FHAD1: variants seen among roughly 807,000 people sequenced by gnomAD.
FHAD1 encodes the protein forkhead-associated domain-containing protein 1.
FHAD1 carries 146 observed loss-of-function variants against 191.3 expected under a neutral mutation model. The ratio of observed to expected loss-of-function variants is 0.76; its 90% CI spans 0.67 to 0.88. FHAD1 has a LOEUF of 0.88. FHAD1 is among the 40% of genes least tolerant of loss of function. FHAD1 has a pLI of 0.00. For missense variants in FHAD1, 1,635 were observed against 1,785.8 expected, an observed-to-expected ratio of 0.92 and a Z score of 1.52; for synonymous variants, 616 against 672.3, an observed-to-expected ratio of 0.92 and a Z score of 1.29.
chr1:15,268,288 T>G (rs1654462420), intron 2 of FHAD1, among the ~76,000 whole-genome samples: 2 of 151,946 alleles, frequency 1.3e-5, no homozygotes, highest in South Asian at 4.2e-4. Context: ...GAATGATGAT[T>G]TCCAATTTCA....
intron 18 of FHAD1, among the ~76,000 whole-genome samples, chr1:15,347,545 G>A (rs968454209): frequency 6.6e-6 from 1 of 152,178 alleles, no homozygotes. Flanking sequence ...TGCCTCCCGG[G>A]TTCAAACGAT....
intron 3 of FHAD1, among the ~76,000 whole-genome samples, chr1:15,275,005 C>T (rs1229436494): frequency 6.6e-6 from 1 of 152,030 alleles, no homozygotes; most frequent in East Asian, 1.9e-4. Context: ...CTCTGTCGCC[C>T]AGGCTGGAGT....
intron 4 of FHAD1, among the ~76,000 whole-genome samples, chr1:15,290,693 A>G (rs914611795): frequency 2.1e-5 from 3 of 143,948 alleles, no homozygotes; most frequent in African/African-American, 7.5e-5. Context: ...TTTAATATGA[A>G]CTTTTTTTTT....
intron 11 of FHAD1, 48 bp downstream of exon 11, chr1:15,324,607 T>C (rs1446979842): frequency 7.4e-7 from 1 of 1,358,096 alleles, no homozygotes; most frequent in Non-Finnish European, 1.0e-6. Flanking sequence ...TCTCCAATGA[T>C]TGCACCCAAG....
chr1:15,389,447 C>CAAAAAAAAAAAAAAAAAAAAAAA lies in FHAD1; in HGVS notation c.4269+1337_4269+1338insAAAAAAAAAAAAAAAAAAAAAAA, dbSNP rs570569622. 8.5e-3 allele frequency among the ~76,000 whole-genome samples: 460 copies of CAAAAAAAAAAAAAAAAAAAAAAA among 54,150 alleles called. 28 individuals carry two copies. The highest frequency in any genetic ancestry group is 0.013 in the Middle Eastern group (1 of 78). The allele number at this position is 54,150 out of a possible 152,430, so 35.5% of individuals were successfully genotyped here. A position where few individuals can be genotyped will look rare whatever the true frequency, so the allele number is the denominator to read the frequency against. ...TGAGCAACAGAGGAAGAACCTGTCTCAAAAAAAAAAAAAAAAAAAAACCTG... is the reference window on the plus strand; with the variant it reads ...TGAGCAACAGAGGAAGAACCTGTCTCAAAAAAAAAAAAAAAAAAAAAAAAAAAAAAAAAAAAAAAAAAAACCTG... On this transcript the variant is annotated intron_variant, in intron 32 of 33. Transcript: ENST00000688493.
intron 14 of FHAD1, among the ~76,000 whole-genome samples, chr1:15,331,709 A>G (rs28621709): frequency 6.6e-6 from 1 of 150,546 alleles, no homozygotes; most frequent in African/African-American, 2.4e-5. Flanking sequence ...GAAGGCAGGA[A>G]GGAAGGCAGG....
Position 15,367,623 on chromosome 1 carries a change from GT to G in FHAD1, c.3314+3del. 1 of 1,184,086 alleles carries G rather than the reference GT, an allele frequency of 8.4e-7. No homozygotes were observed. The highest frequency in any genetic ancestry group is 1.1e-6 in the Non-Finnish European group (1 of 871,902). The allele number at this position is 1,184,086 out of a possible 1,614,324, so 73.3% of individuals were successfully genotyped here. ...TGAAGGCCCTTGAGGAGGCACTCAG[GT>G]TGGGTGGGCGGGGGCCGGGTTGGGG... On this transcript the variant is annotated splice_donor_variant, in intron 25 of 33. Coordinates refer to ENST00000688493, the MANE Select transcript of FHAD1 (RefSeq NM_001391957.1). LOFTEE classifies it high-confidence loss of function.
At chr1:15,324,350 C>T (rs1161100356) in intron 10 of FHAD1, 102 bp from the exon 11 acceptor site, 1 of 910,186 alleles carries the variant, frequency 1.1e-6, no homozygotes, top group Non-Finnish European at 1.8e-6. Context: ...CTGTGCCTAC[C>T]CCTCTGGGAC....
chr1:15,238,106 G>A (rs1644974564), intron 1 of FHAD1, among the ~76,000 whole-genome samples: 1 of 151,932 alleles, frequency 6.6e-6, no homozygotes, highest in African/African-American at 2.4e-5. Flanking sequence ...AATTAGACAG[G>A]CATGGTGGCG....
At chr1:15,310,994 A>G (rs1243232593) in intron 7 of FHAD1, among the ~76,000 whole-genome samples, 1 of 152,170 alleles carries the variant, frequency 6.6e-6, no homozygotes, top group East Asian at 1.9e-4. Flanking sequence ...AAACAAACAG[A>G]AAAAAATGTC....
At chr1:15,248,326 A>G (rs957757181) in intron 1 of FHAD1, among the ~76,000 whole-genome samples, 1 of 152,126 alleles carries the variant, frequency 6.6e-6, no homozygotes, top group Admixed American at 6.5e-5. Context: ...TAATGATGCT[A>G]GCAGAAGACC....
At chr1:15,301,860 C>T (rs1418141655) in intron 6 of FHAD1, among the ~76,000 whole-genome samples, 6 of 152,132 alleles carry the variant, frequency 3.9e-5, no homozygotes, top group Non-Finnish European at 7.4e-5. Context: ...AACCCTGTCT[C>T]TATTAAAAAT....
upstream of FHAD1, among the ~76,000 whole-genome samples, chr1:15,244,030 A>C (rs1156870653): frequency 1.3e-5 from 2 of 151,016 alleles, no homozygotes; most frequent in East Asian, 3.9e-4. This position sits in a 1 kb window ranked among gnomAD's most constrained non-coding sequence, Gnocchi z 5.1. Flanking sequence ...GCCAAGAAGC[A>C]CAAGTAATCT....
downstream of FHAD1, chr1:15,399,934 T>A (rs182956353): frequency 5.9e-5 from 9 of 152,352 alleles, 1 homozygote; most frequent in African/African-American, 1.9e-4. Flanking sequence ...ATCACCATGA[T>A]TTTCCCGCCT....
At chr1:15,277,871 C>A (rs1261105418) in intron 3 of FHAD1, among the ~76,000 whole-genome samples, 3 of 152,128 alleles carry the variant, frequency 2.0e-5, no homozygotes, top group African/African-American at 7.2e-5. Flanking sequence ...GTTTAATGAG[C>A]ATTTACTATA....
chr1:15,393,922 G>A lies in FHAD1; in HGVS notation c.4323+2659G>A, dbSNP rs147367215. 6.6e-5 allele frequency among the ~76,000 whole-genome samples: 10 copies of A among 152,254 alleles called. No homozygotes were observed. The East Asian group carries it at 1.7e-3, about 26-fold the overall frequency. ...TCCAGGAGAGGCCTTCCTGAGGACC[G>A]TATATTTAAACTTAGACCTGAGGTT... On this transcript the variant is annotated intron_variant, in intron 33 of 33. Transcript: ENST00000688493.
At chr1:15,313,619 A>G (rs2101187173) in intron 8 of FHAD1, among the ~76,000 whole-genome samples, 1 of 152,320 alleles carries the variant, frequency 6.6e-6, no homozygotes, top group African/African-American at 2.4e-5. Context: ...GCTTCCCCTC[A>G]TCCCAGTAAC....
At chr1:15,366,284 C>CAAAA (rs35252287) in intron 24 of FHAD1, among the ~76,000 whole-genome samples, 6,371 of 44,278 alleles carry the variant, frequency 0.14, 480 homozygotes, top group Non-Finnish European at 0.16. Context: ...GACTCTGTCT[C>CAAAA]AAAAAAAAAA....
chr1:15,369,593 A>C (rs137968922), intron 26 of FHAD1, 91 bp downstream of exon 26: 12 of 1,402,222 alleles, frequency 8.6e-6, no homozygotes, highest in Non-Finnish European at 1.2e-5. Flanking sequence ...CTTTCATTCT[A>C]AGTTCCAAAA....
Sources: allele counts gnomAD v4.1 joint callset (sites outside exome capture counted in the v4.1 genomes callset), GRCh38; gene constraint gnomAD v4.1.1; non-coding constraint Gnocchi (gnomAD v3.1); transcripts MANE v1.5; gene names NCBI Gene and HGNC (gene_info 2026-07-23, HGNC 2026-07-21).